The following GTF2A1 variants were observed in gnomAD, a reference collection of about 807,000 sequenced individuals.
The protein encoded by GTF2A1 is general transcription factor IIA subunit 1.
A neutral mutation model predicts 54.1 loss-of-function variants in GTF2A1; 12 were observed. The ratio of observed to expected loss-of-function variants is 0.22; its 90% confidence interval spans 0.14 to 0.36. GTF2A1 has a LOEUF of 0.36. Among genes scored for constraint, GTF2A1 ranks in the 10% least tolerant of loss-of-function variants. GTF2A1 has a pLI of 1.00. For synonymous variants in GTF2A1, 145 were observed against 152.0 expected (o/e 0.95, Z 0.34); for missense variants, 335 against 442.2 (o/e 0.76, Z 2.17).
At chr14:81,181,401 T>C (rs1342442232) in intron 8 of GTF2A1, among the ~76,000 whole-genome samples, 11 of 152,050 alleles carry the variant, frequency 7.2e-5, no homozygotes, top group South Asian at 6.2e-4. Context: ...AAATGACAGA[T>C]TGGATAGGGT....
At chr14:81,194,593 A>AT (rs1157308632) in intron 6 of GTF2A1, among the ~76,000 whole-genome samples, 1 of 152,232 alleles carries the variant, frequency 6.6e-6, no homozygotes. Flanking sequence ...ACACATAAAC[A>AT]TATAAAGTAC....
chr14:81,200,483 C>T (rs1204194389), intron 4 of GTF2A1, among the ~76,000 whole-genome samples: 1 of 151,860 alleles, frequency 6.6e-6, no homozygotes, highest in Non-Finnish European at 1.5e-5. Flanking sequence ...AAAAATTAGC[C>T]AGGTGTGGTG....
chr14:81,221,052 C>G (rs889491670), upstream of GTF2A1: 1 of 153,228 alleles, frequency 6.5e-6, no homozygotes. Flanking sequence ...CGCAGGCGCG[C>G]CGGGGCGGAG....
rs1158094534 is a variant in GTF2A1 at position 81,203,931 on chromosome 14, G to C, written c.306C>G (p.Thr102=). 6.2e-7 allele frequency: 1 copy of C among 1,613,936 alleles called. No individual in the cohort carries two copies. The highest frequency in any genetic ancestry group is 1.3e-5 in the African/African-American group (1 of 74,910). The change falls in exon 3 of 9, where the codon ACC becomes ACG. Residue 102 remains threonine, a synonymous_variant. Transcript: ENST00000553612. The stretch of plus-strand genomic sequence containing the variant: ...GTGATGCAGGAATAAGAACCTGCTG[G>C]GTCTGCGCTTGCTGAGGTACTGTCT... ...PQQTVPQQAQ[T]QQVLIPASQQ... is the part of the protein sequence containing the mutation.
At chr14:81,190,392 T>C (rs1892850908) in intron 7 of GTF2A1, among the ~76,000 whole-genome samples, 1 of 151,918 alleles carries the variant, frequency 6.6e-6, no homozygotes, top group African/African-American at 2.4e-5. Context: ...CTATCAATCA[T>C]AAATATCTAC....
intron 4 of GTF2A1, among the ~76,000 whole-genome samples, chr14:81,200,751 T>A (rs751691677): frequency 7.2e-5 from 11 of 152,034 alleles, no homozygotes; most frequent in Middle Eastern, 3.4e-3. Context: ...AAGTTTTGGC[T>A]GAAGAATGAA....
At chr14:81,211,875 T>TCATATATATACATATATATATA (rs1419902730) in intron 2 of GTF2A1, among the ~76,000 whole-genome samples, 1 of 68,488 alleles carries the variant, frequency 1.5e-5, no homozygotes, top group African/African-American at 5.1e-5. Context: ...ATCAAGTACT[T>TCATATATATACATATATATATA]TATATATATA....
At chr14:81,207,437 G>T (rs973568827) in intron 2 of GTF2A1, among the ~76,000 whole-genome samples, 2 of 152,158 alleles carry the variant, frequency 1.3e-5, no homozygotes, top group Non-Finnish European at 2.9e-5. Flanking sequence ...CCAGCCATGT[G>T]GAACTGTAAG....
At chr14:81,210,924 T>A (rs1893351072) in intron 2 of GTF2A1, among the ~76,000 whole-genome samples, 1 of 152,152 alleles carries the variant, frequency 6.6e-6, no homozygotes, top group Admixed American at 6.5e-5. Flanking sequence ...GTATCTGAAA[T>A]TACATGGAGA....
At chr14:81,184,984 T>G (rs78152453) in intron 8 of GTF2A1, among the ~76,000 whole-genome samples, 3,174 of 152,246 alleles carry the variant, frequency 0.021, 107 homozygotes, top group African/African-American at 0.072. Flanking sequence ...AAATAAGGAA[T>G]CAATGGCTAG....
At position 81,176,002 on chromosome 14, in the gene GTF2A1, T is replaced by C. The variant is rs528596637; in HGVS notation, c.*4221A>G. ...ATTGACATCTCAATCTACTTATCTT[T>C]AAGGTACAGAATTTAGCATCTTTTT... is the stretch of plus-strand genomic sequence containing the variant. On this transcript the variant is annotated 3_prime_UTR_variant, in exon 9 of 9. Transcript: ENST00000553612. 4 of 152,296 alleles carry C rather than the reference T, an allele frequency of 2.6e-5. No homozygotes were observed. Among genetic ancestry groups the C allele is most frequent in the African/African-American group, 7.2e-5 (3 of 41,578 alleles). 9.4% of individuals were successfully genotyped at this position (152,296 alleles called of 1,614,324 possible). A position where few individuals can be genotyped will look rare whatever the true frequency, so the allele number is the denominator to read the frequency against.
intron 6 of GTF2A1, among the ~76,000 whole-genome samples, chr14:81,193,343 T>G (rs891051102): frequency 6.6e-6 from 1 of 152,052 alleles, no homozygotes; most frequent in Non-Finnish European, 1.5e-5. Flanking sequence ...ATTTTGTTAT[T>G]TTTAGCAGAG....
At position 81,220,604 on chromosome 14, in the gene GTF2A1, G is replaced by A; in HGVS notation, c.-86C>T. On this transcript the variant is annotated 5_prime_UTR_variant, in exon 1 of 9. Transcript: ENST00000553612. ...AAAAAAAAAAAAACTATAACACCCG[G>A]AGGGTGACCCAAATCACCGCAAGAT... is the stretch of plus-strand genomic sequence containing the variant. 9.0e-7 allele frequency: 1 copy of A among 1,106,240 alleles called. No homozygotes were observed. Among genetic ancestry groups the A allele is most frequent in the Non-Finnish European group, 1.3e-6 (1 of 781,246 alleles). 68.5% of individuals were successfully genotyped at this position (1,106,240 alleles called of 1,614,324 possible).
At chr14:81,197,253 G>T in intron 5 of GTF2A1, 156 bp downstream of exon 5, 2 of 568,556 alleles carry the variant, frequency 3.5e-6, no homozygotes, top group Middle Eastern at 4.7e-4. Context: ...ACAGTTATAT[G>T]TGTTACAGCC....
chr14:81,193,498 A>G (rs532943499), intron 6 of GTF2A1, among the ~76,000 whole-genome samples: 1 of 152,198 alleles, frequency 6.6e-6, no homozygotes, highest in Non-Finnish European at 1.5e-5. Flanking sequence ...ACATAAATAC[A>G]GCAGACGCAA....
In GTF2A1 at chr14:81,176,370, C is replaced by T. The variant is rs1892528752; in HGVS notation, c.*3853G>A. 6.6e-6 allele frequency: 1 copy of T among 151,988 alleles called. No homozygotes were observed. The highest frequency in any genetic ancestry group is 2.4e-5 in the African/African-American group (1 of 41,376). The allele number at this position is 151,988 out of a possible 1,614,324, so 9.4% of individuals were successfully genotyped here. A position where few individuals can be genotyped will look rare whatever the true frequency, so the allele number is the denominator to read the frequency against. On this transcript the variant is annotated 3_prime_UTR_variant, in exon 9 of 9. Transcript: ENST00000553612. ...TAACAGTATGTACAACAGCAGTTGACAATAGTAGCTCAGAACAGCAAAAAG... is the reference window on the plus strand; with the variant it reads ...TAACAGTATGTACAACAGCAGTTGATAATAGTAGCTCAGAACAGCAAAAAG...
intron 7 of GTF2A1, among the ~76,000 whole-genome samples, chr14:81,187,419 G>C (rs1404980058): frequency 1.3e-5 from 2 of 151,366 alleles, no homozygotes. Context: ...TTTAGCATTT[G>C]TACATGTACA....
intron 8 of GTF2A1, among the ~76,000 whole-genome samples, chr14:81,184,420 T>C (rs1406925290): frequency 2.0e-5 from 3 of 152,206 alleles, no homozygotes; most frequent in African/African-American, 7.2e-5. Context: ...ACATGGTATA[T>C]GGTTTTAAGA....
rs919725780 is a variant in GTF2A1, at chr14:81,176,373, T to C, written c.*3850A>G. On this transcript the variant is annotated 3_prime_UTR_variant, in exon 9 of 9. Coordinates refer to ENST00000553612, the MANE Select transcript of GTF2A1 (RefSeq NM_015859.4). Reference sequence around the variant, plus strand: ...CAGTATGTACAACAGCAGTTGACAATAGTAGCTCAGAACAGCAAAAAGGAT... The same window carrying C: ...CAGTATGTACAACAGCAGTTGACAACAGTAGCTCAGAACAGCAAAAAGGAT... 3.3e-5 allele frequency: 5 copies of C among 152,142 alleles called. No homozygotes were observed. Among genetic ancestry groups the C allele is most frequent in the Non-Finnish European group, 5.9e-5 (4 of 68,008 alleles). 9.4% of individuals were successfully genotyped at this position (152,142 alleles called of 1,614,324 possible).
Sources: allele counts gnomAD v4.1 joint callset (sites outside exome capture counted in the v4.1 genomes callset), GRCh38; gene constraint gnomAD v4.1.1; transcripts MANE v1.5; gene names NCBI Gene and HGNC (gene_info 2026-07-23, HGNC 2026-07-21).